The following GPC5 variants were observed in gnomAD, a reference collection of about 807,000 sequenced individuals.
GPC5 encodes the protein glypican 5.
GPC5 carries 47 observed loss-of-function variants against 53.9 expected under a neutral mutation model. The observed-to-expected ratio is 0.87, with a 90% CI of 0.69 to 1.11. The LOEUF (loss-of-function observed/expected upper bound fraction) is 1.11. GPC5 is among the 50% of genes most tolerant of loss of function. The pLI is 0.00. For synonymous variants in GPC5, 286 were observed against 263.3 expected (o/e 1.09, Z -0.84); for missense variants, 748 against 713.1 (o/e 1.05, Z -0.56).
intron 7 of GPC5, among the ~76,000 whole-genome samples, chr13:92,385,766 CGT>C (rs1874672188): frequency 2.4e-5 from 2 of 83,130 alleles, no homozygotes; most frequent in Non-Finnish European, 4.8e-5. Flanking sequence ...TATATATATA[CGT>C]ATATATACAT....
intron 4 of GPC5, among the ~76,000 whole-genome samples, chr13:91,746,163 C>T (rs531583354): frequency 6.6e-6 from 1 of 152,170 alleles, no homozygotes; most frequent in African/African-American, 2.4e-5. Flanking sequence ...CAGCTGTGGT[C>T]AGACATCTCT....
chr13:91,606,792 G>A (rs563774871), intron 2 of GPC5, among the ~76,000 whole-genome samples: 110 of 152,032 alleles, frequency 7.2e-4, no homozygotes, highest in African/African-American at 2.5e-3. Context: ...CTGTGGGATC[G>A]GTGGTGATAT....
intron 2 of GPC5, among the ~76,000 whole-genome samples, chr13:91,494,394 A>G (rs1306371918): frequency 6.6e-6 from 1 of 151,548 alleles, no homozygotes; most frequent in African/African-American, 2.4e-5. Context: ...TCAGCATACT[A>G]ATAAGCTCTT....
intron 7 of GPC5, among the ~76,000 whole-genome samples, chr13:92,602,952 C>A (rs993378759): frequency 1.3e-5 from 2 of 152,140 alleles, no homozygotes; most frequent in African/African-American, 4.8e-5. Context: ...CCTCTCTCAG[C>A]AGTCTCACAG....
intron 7 of GPC5, among the ~76,000 whole-genome samples, chr13:92,502,631 A>G (rs1880232308): frequency 6.6e-6 from 1 of 152,102 alleles, no homozygotes; most frequent in South Asian, 2.1e-4. Flanking sequence ...GAAGAGGGAC[A>G]TTATATTTAA....
chr13:92,093,096 A>G (rs537032214), intron 6 of GPC5, among the ~76,000 whole-genome samples: 1 of 152,316 alleles, frequency 6.6e-6, no homozygotes, highest in African/African-American at 2.4e-5. Context: ...CTAAACTAAC[A>G]TTTAGTTTTC....
At chr13:92,011,484 T>A (rs1346435309) in intron 6 of GPC5, among the ~76,000 whole-genome samples, 1 of 152,204 alleles carries the variant, frequency 6.6e-6, no homozygotes. Flanking sequence ...TTGCAAAATA[T>A]TGAATTTTGA....
At chr13:91,415,712 AT>A (rs1321127515) in intron 1 of GPC5, among the ~76,000 whole-genome samples, 1 of 95,828 alleles carries the variant, frequency 1.0e-5, no homozygotes, top group African/African-American at 4.2e-5. Flanking sequence ...AAATAGGAAT[AT>A]TTTTCTACCT....
At chr13:91,615,964 A>G (rs547263524) in intron 2 of GPC5, among the ~76,000 whole-genome samples, 3 of 152,294 alleles carry the variant, frequency 2.0e-5, no homozygotes, top group Non-Finnish European at 4.4e-5. Flanking sequence ...CAGATTTACC[A>G]TTAAGATTTG....
chr13:92,122,276 T>C (rs1301566348), intron 6 of GPC5, among the ~76,000 whole-genome samples: 1 of 46,154 alleles, frequency 2.2e-5, no homozygotes, highest in African/African-American at 8.4e-5. Flanking sequence ...AACACAGCGC[T>C]TTTTTTTTTT....
chr13:91,781,224 A>G (rs972880787), intron 5 of GPC5, among the ~76,000 whole-genome samples: 11 of 152,210 alleles, frequency 7.2e-5, no homozygotes, highest in African/African-American at 2.7e-4. Context: ...ATAAGAATGT[A>G]TCCTTATCCT....
intron 2 of GPC5, among the ~76,000 whole-genome samples, chr13:91,497,527 G>A (rs1884343517): frequency 6.6e-6 from 1 of 152,056 alleles, no homozygotes; most frequent in Non-Finnish European, 1.5e-5. Context: ...ATTGCATTCA[G>A]CCTGACTGTA....
chr13:91,948,113 A>T (rs1477669973), intron 6 of GPC5, among the ~76,000 whole-genome samples: 1 of 151,864 alleles, frequency 6.6e-6, no homozygotes, highest in Non-Finnish European at 1.5e-5. Context: ...CTGTAGTCCC[A>T]GCTACTCGGG....
intron 5 of GPC5, among the ~76,000 whole-genome samples, chr13:91,807,572 A>C (rs1166732652): frequency 1.3e-5 from 2 of 152,188 alleles, no homozygotes; most frequent in Non-Finnish European, 2.9e-5. Context: ...TAAATAATCT[A>C]ACAACTAGCC....
intron 7 of GPC5, among the ~76,000 whole-genome samples, chr13:92,337,840 G>C (rs933592695): frequency 1.3e-5 from 2 of 152,022 alleles, no homozygotes; most frequent in East Asian, 3.9e-4. Context: ...AATGTAAAAC[G>C]CAAAATTATA....
intron 1 of GPC5, among the ~76,000 whole-genome samples, chr13:91,432,666 AT>A (rs1340097745): frequency 1.7e-4 from 26 of 152,182 alleles, no homozygotes; most frequent in Non-Finnish European, 2.9e-4. Flanking sequence ...TACTTTTCTG[AT>A]TTTTTTCATT....
intron 2 of GPC5, among the ~76,000 whole-genome samples, chr13:91,455,836 C>T (rs973296056): frequency 6.6e-6 from 1 of 152,062 alleles, no homozygotes; most frequent in African/African-American, 2.4e-5. Flanking sequence ...TCCCAAAACA[C>T]ACACACATTA....
At chr13:92,046,603 G>A (rs934596968) in intron 6 of GPC5, among the ~76,000 whole-genome samples, 5 of 152,036 alleles carry the variant, frequency 3.3e-5, no homozygotes, top group Non-Finnish European at 7.4e-5. Flanking sequence ...CACTCTCCCC[G>A]CCAAAACTTT....
At chr13:91,994,627 T>A (rs1566383706) in intron 6 of GPC5, 1 of 152,192 alleles carries the variant, frequency 6.6e-6, no homozygotes, top group Non-Finnish European at 1.5e-5. Flanking sequence ...TTGCTTTGTC[T>A]TGCCTAAATT....
Sources: allele counts gnomAD v4.1 joint callset (sites outside exome capture counted in the v4.1 genomes callset), GRCh38; gene constraint gnomAD v4.1.1; transcripts MANE v1.5; gene names NCBI Gene and HGNC (gene_info 2026-07-23, HGNC 2026-07-21).